ADGRB1: variants seen among roughly 807,000 people sequenced by gnomAD.
The protein encoded by ADGRB1 is adhesion G protein-coupled receptor B1.
A neutral mutation model predicts 175.7 loss-of-function variants in ADGRB1; 36 were observed. That is an observed-to-expected ratio of 0.20 (90% CI 0.16 to 0.27). ADGRB1 has a LOEUF of 0.27. Ranked by LOEUF, ADGRB1 falls within the 10% of genes least tolerant of loss-of-function variation. The pLI, the probability that ADGRB1 is intolerant of heterozygous loss-of-function variation, is 1.00. For synonymous variants in ADGRB1, 1,054 were observed against 979.4 expected (o/e 1.08, Z -1.42); for missense variants, 1,731 against 2,255.3 (o/e 0.77, Z 4.71).
intron 2 of ADGRB1, among the ~76,000 whole-genome samples, chr8:142,469,141 G>A (rs549084690): frequency 7.8e-6 from 1 of 129,030 alleles, no homozygotes; most frequent in East Asian, 2.4e-4. Context: ...GTGTGTGCAT[G>A]TGTGTGCATG....
chr8:142,532,807 T>C (rs553293117), intron 24 of ADGRB1, among the ~76,000 whole-genome samples: 315 of 152,216 alleles, frequency 2.1e-3, no homozygotes, highest in African/African-American at 7.2e-3. Context: ...GGGATCCTCC[T>C]TGGCGCACCC....
Position 142,471,236 on chromosome 8 carries a change from A to G in ADGRB1, c.785-4238A>G, listed in dbSNP as rs575167139. On this transcript the variant is annotated intron_variant, in intron 2 of 30. Coordinates refer to ENST00000517894, the MANE Select transcript of ADGRB1 (RefSeq NM_001702.3). ...GGCAGGATGGGGCCCCATGGGAATG[A>G]TATGCTGGGCCCACCATGCCTTCAG... 2.6e-5 allele frequency among the ~76,000 whole-genome samples: 4 copies of G among 152,276 alleles called. No homozygotes were observed. The South Asian group carries it at 8.3e-4, about 32-fold the overall frequency.
At chr8:142,526,660 C>T in intron 24 of ADGRB1, 33 bp downstream of exon 24, 2 of 1,585,936 alleles carry the variant, frequency 1.3e-6, no homozygotes, top group South Asian at 1.1e-5. Flanking sequence ...CCTTGCCCAC[C>T]CGGAGTGCAA....
At chr8:142,451,017 G>T (rs912298864) in intron 1 of ADGRB1, among the ~76,000 whole-genome samples, 1 of 152,160 alleles carries the variant, frequency 6.6e-6, no homozygotes, top group Admixed American at 6.5e-5. Flanking sequence ...GCTTGGAGCC[G>T]CGCGGAGCTG....
intron 23 of ADGRB1, 39 bp from the exon 24 acceptor site, chr8:142,526,503 G>GGGC: frequency 3.2e-6 from 4 of 1,259,272 alleles, no homozygotes; most frequent in Non-Finnish European, 4.5e-6. Context: ...GCCTACGGCG[G>GGGC]CCCCCACCCC....
At chr8:142,473,381 C>T (rs981323774) in intron 2 of ADGRB1, among the ~76,000 whole-genome samples, 9 of 152,190 alleles carry the variant, frequency 5.9e-5, no homozygotes, top group Non-Finnish European at 1.3e-4. Context: ...CACTGAGGCC[C>T]GGAGCACCTG....
At chr8:142,491,034 G>A (rs1181746534) in intron 17 of ADGRB1, among the ~76,000 whole-genome samples, 2 of 152,180 alleles carry the variant, frequency 1.3e-5, no homozygotes, top group African/African-American at 2.4e-5. Context: ...CACAGTTCAG[G>A]GAGGAGCGGA....
intron 17 of ADGRB1, among the ~76,000 whole-genome samples, chr8:142,491,601 C>T (rs927003874): frequency 2.0e-5 from 3 of 152,196 alleles, no homozygotes; most frequent in Admixed American, 1.3e-4. Flanking sequence ...CATGCGGCTC[C>T]GGCCTGAGGG....
At position 142,520,853 on chromosome 8, in the gene ADGRB1, C is replaced by T; in HGVS notation, c.2952C>T (p.Leu984=). 6.2e-7 allele frequency: 1 copy of T among 1,613,700 alleles called. No homozygotes were observed. The highest frequency in any genetic ancestry group is 8.5e-7 in the Non-Finnish European group (1 of 1,179,730). Residue 984 remains leucine, a synonymous_variant, in exon 20 of 31, where the codon CTC becomes CTT. Transcript: ENST00000517894. ...RYIRSERSVI[L]INFCLSIISS... is the part of the protein sequence containing the mutation. Reference sequence around the variant, plus strand: ...TTCGCTCAGAGCGTTCTGTCATCCTCATCAACTTCTGCCTGTCCATCATCT... The same window carrying T: ...TTCGCTCAGAGCGTTCTGTCATCCTTATCAACTTCTGCCTGTCCATCATCT...
chr8:142,479,932 T>A, intron 9 of ADGRB1, 138 bp downstream of exon 9: 1 of 932,050 alleles, frequency 1.1e-6, no homozygotes, highest in Non-Finnish European at 1.6e-6. Flanking sequence ...CGCGGGGTGG[T>A]GGGGCCGCGA....
rs1208407021 is a variant in ADGRB1, at chr8:142,510,567, G to T, written c.2676-365G>T. Among the ~76,000 whole-genome samples the T allele has an allele frequency of 6.7e-6, 1 of 148,220 alleles. No homozygotes were observed. Among genetic ancestry groups the T allele is most frequent in the Non-Finnish European group, 1.5e-5 (1 of 66,624 alleles). On this transcript the variant is annotated intron_variant, in intron 17 of 30. Transcript: ENST00000517894. The surrounding 1 kb of genome is among the most constrained non-coding windows in gnomAD (Gnocchi z 6.3). ...CCTCCCCCTCCTTCCCGCGCGGGCC[G>T]GGGGCGCGGGCCCCGGAGGAGCTGG...
Position 142,493,723 on chromosome 8 carries a change from C to T in ADGRB1, c.2675+2908C>T, listed in dbSNP as rs1021048702. Among the ~76,000 whole-genome samples the T allele has an allele frequency of 6.6e-6, 1 of 152,230 alleles. No homozygotes were observed. Among genetic ancestry groups the T allele is most frequent in the Non-Finnish European group, 1.5e-5 (1 of 68,046 alleles). ...CCCGCTGAAAGCACAGCGCAGTGAT[C>T]GAGGCCTTCTGCTCTGGAACTGGGC... On this transcript the variant is annotated intron_variant, in intron 17 of 30. Coordinates refer to ENST00000517894, the MANE Select transcript of ADGRB1 (RefSeq NM_001702.3). This position sits in a 1 kb window ranked among gnomAD's most constrained non-coding sequence, Gnocchi z 5.0.
At chr8:142,535,712 T>A (rs572474676) in intron 25 of ADGRB1, among the ~76,000 whole-genome samples, 130 of 152,080 alleles carry the variant, frequency 8.5e-4, no homozygotes, top group African/African-American at 3.0e-3. Context: ...CTGGAGAGGG[T>A]ACCAGAGGGA....
At chr8:142,466,826 C>T (rs1016201529) in intron 2 of ADGRB1, among the ~76,000 whole-genome samples, 2 of 152,106 alleles carry the variant, frequency 1.3e-5, no homozygotes, top group African/African-American at 2.4e-5. Flanking sequence ...CACACCTGGC[C>T]GTGCATCTTG....
At chr8:142,489,788 G>T (rs969004765) in intron 16 of ADGRB1, among the ~76,000 whole-genome samples, 1 of 152,100 alleles carries the variant, frequency 6.6e-6, no homozygotes, top group African/African-American at 2.4e-5. Context: ...AGAAGCTGGG[G>T]GTGTAAGTAC....
intron 4 of ADGRB1, 100 bp downstream of exon 4, chr8:142,476,795 C>T (rs769189936): frequency 3.9e-5 from 46 of 1,194,560 alleles, no homozygotes; most frequent in Non-Finnish European, 5.2e-5. Flanking sequence ...AATAACATGC[C>T]ATAACTAGAC....
At position 142,477,326 on chromosome 8, in the gene ADGRB1, G is replaced by T. The variant is rs767240871; in HGVS notation, c.1222+48G>T. ...GCAGCGGACAGCCAGGGCAGCGGGG[G>T]GCCAGGGCAGCGGGGGCGGTGGCCG... On this transcript the variant is annotated intron_variant, in intron 5 of 30. Transcript: ENST00000517894. 1.3e-3 allele frequency: 2,091 copies of T among 1,586,564 alleles called. 14 individuals are homozygous for T. The African/African-American group carries it at 0.018, about 14-fold the overall frequency.
At chr8:142,530,464 G>A (rs1444477880) in intron 24 of ADGRB1, among the ~76,000 whole-genome samples, 1 of 152,146 alleles carries the variant, frequency 6.6e-6, no homozygotes, top group East Asian at 1.9e-4. Context: ...AGGGTGGTGC[G>A]CCCAGGTGCA....
chr8:142,541,883 T>C, intron 27 of ADGRB1, 58 bp from the exon 28 acceptor site: 1 of 1,476,806 alleles, frequency 6.8e-7, no homozygotes. Context: ...CTGGGGACTG[T>C]CCTACGCCAT....
Sources: gnomAD v4.1 joint callset for allele counts (sites outside exome capture counted in the v4.1 genomes callset) on GRCh38, gnomAD v4.1.1 for gene constraint, Gnocchi (gnomAD v3.1) non-coding constraint, MANE v1.5 for transcripts, NCBI Gene and HGNC (gene_info 2026-07-23, HGNC 2026-07-21) for gene names.